ZNF385D: variants seen among roughly 807,000 people sequenced by gnomAD.
ZNF385D encodes the protein zinc finger protein 659.
A neutral mutation model predicts 35.8 loss-of-function variants in ZNF385D; 15 were observed. The ratio of observed to expected loss-of-function variants is 0.42; its 90% CI spans 0.28 to 0.64. The LOEUF is 0.64. Among genes scored for constraint, ZNF385D ranks in the 30% least tolerant of loss-of-function variants. The pLI, the probability that ZNF385D is intolerant of heterozygous loss-of-function variation, is 0.23. For missense variants in ZNF385D, 474 were observed against 494.6 expected (o/e 0.96, Z 0.39); for synonymous variants, 212 against 186.8 (o/e 1.13, Z -1.10).
At chr3:22,162,543 G>T (rs1706029730) in intron 3 of ZNF385D, among the ~76,000 whole-genome samples, 1 of 152,130 alleles carries the variant, frequency 6.6e-6, no homozygotes, top group Admixed American at 6.6e-5. Context: ...GAGTTTACTT[G>T]AGAGATTTTT....
chr3:22,108,620 G>T (rs1403813380), intron 3 of ZNF385D, among the ~76,000 whole-genome samples: 1 of 152,144 alleles, frequency 6.6e-6, no homozygotes, highest in Non-Finnish European at 1.5e-5. Context: ...CCTTAGAAAA[G>T]TTACTTAACC....
At chr3:21,507,161 A>C (rs1349955006) in intron 4 of ZNF385D, among the ~76,000 whole-genome samples, 2 of 152,114 alleles carry the variant, frequency 1.3e-5, no homozygotes, top group African/African-American at 4.8e-5. Context: ...TTTACAATGA[A>C]AATTTAGTTT....
intron 3 of ZNF385D, among the ~76,000 whole-genome samples, chr3:22,094,492 TC>T (rs1701511191): frequency 7.3e-6 from 1 of 137,712 alleles, no homozygotes; most frequent in South Asian, 2.5e-4. Context: ...TGAGGGTAAC[TC>T]CCATGAAATA....
intron 1 of ZNF385D, among the ~76,000 whole-genome samples, chr3:21,722,799 C>A (rs1166490019): frequency 2.6e-5 from 4 of 152,218 alleles, no homozygotes; most frequent in Admixed American, 1.3e-4. Context: ...TTGCAAGTGA[C>A]CCTGACTGCC....
intron 4 of ZNF385D, among the ~76,000 whole-genome samples, chr3:21,463,548 AG>A (rs1332113093): frequency 1.3e-5 from 2 of 152,128 alleles, no homozygotes; most frequent in African/African-American, 2.4e-5. Context: ...GTCAGGGTGG[AG>A]TGAGGAGCTG....
At chr3:21,731,139 A>G (rs1486506581) in intron 1 of ZNF385D, among the ~76,000 whole-genome samples, 1 of 152,280 alleles carries the variant, frequency 6.6e-6, no homozygotes, top group South Asian at 2.1e-4. Flanking sequence ...TATTCCCTTC[A>G]CATATTTGTA....
intron 1 of ZNF385D, among the ~76,000 whole-genome samples, chr3:21,736,912 T>G (rs1194641875): frequency 6.6e-6 from 1 of 152,202 alleles, no homozygotes; most frequent in Non-Finnish European, 1.5e-5. Flanking sequence ...GCGTAAGGAT[T>G]AAATATGCCT....
At chr3:21,750,778 A>G (rs2070036247) in intron 1 of ZNF385D, 117 bp downstream of exon 1, 9 of 1,315,208 alleles carry the variant, frequency 6.8e-6, no homozygotes, top group Non-Finnish European at 9.7e-6. Flanking sequence ...CCAGTTGCCA[A>G]CTGGAGGTAG....
At chr3:22,345,177 ATTGT>A (rs907826562) in intron 2 of ZNF385D, among the ~76,000 whole-genome samples, 2 of 152,186 alleles carry the variant, frequency 1.3e-5, no homozygotes, top group Non-Finnish European at 2.9e-5. Flanking sequence ...TTTTAATATT[ATTGT>A]TTTAGTTATG....
chr3:21,716,720 T>C (rs575986042), intron 1 of ZNF385D, among the ~76,000 whole-genome samples: 2 of 152,316 alleles, frequency 1.3e-5, no homozygotes, highest in African/African-American at 4.8e-5. Flanking sequence ...GAGAACACTT[T>C]ACTTATTTAT....
At chr3:21,840,696 T>C (rs1695610061) in intron 3 of ZNF385D, among the ~76,000 whole-genome samples, 1 of 152,074 alleles carries the variant, frequency 6.6e-6, no homozygotes, top group African/African-American at 2.4e-5. Context: ...GATGTTTCCA[T>C]CCAGTTCTAA....
At chr3:21,982,254 C>T (rs1348716693) in intron 3 of ZNF385D, among the ~76,000 whole-genome samples, 2 of 151,884 alleles carry the variant, frequency 1.3e-5, no homozygotes, top group Non-Finnish European at 1.5e-5. Context: ...TTTCTTTGAG[C>T]AATGTTTTGT....
At chr3:21,826,466 G>A (rs1005095647) in intron 3 of ZNF385D, among the ~76,000 whole-genome samples, 1 of 152,166 alleles carries the variant, frequency 6.6e-6, no homozygotes, top group African/African-American at 2.4e-5. Context: ...CAACACAGAG[G>A]GTGATAGAGT....
At chr3:22,028,388 C>T (rs1418203279) in intron 3 of ZNF385D, among the ~76,000 whole-genome samples, 2 of 152,188 alleles carry the variant, frequency 1.3e-5, no homozygotes, top group Non-Finnish European at 2.9e-5. Flanking sequence ...CGCATGGGCT[C>T]AGCAACATGT....
intron 2 of ZNF385D, among the ~76,000 whole-genome samples, chr3:22,329,362 C>T (rs1476907582): frequency 1.3e-5 from 2 of 152,070 alleles, no homozygotes; most frequent in Non-Finnish European, 2.9e-5. Flanking sequence ...TTTCTGTGAT[C>T]TCCAGAGGAA....
intron 3 of ZNF385D, among the ~76,000 whole-genome samples, chr3:22,008,196 A>C (rs1406508652): frequency 6.6e-6 from 1 of 152,106 alleles, no homozygotes; most frequent in Admixed American, 6.6e-5. Context: ...TCTAAGTGCT[A>C]CACTTTCAAA....
chr3:21,554,532 A>G (rs1224034322), intron 3 of ZNF385D, among the ~76,000 whole-genome samples: 1 of 152,136 alleles, frequency 6.6e-6, no homozygotes, highest in Non-Finnish European at 1.5e-5. Flanking sequence ...GAATTTAGAC[A>G]CTAACTTCAT....
intron 3 of ZNF385D, among the ~76,000 whole-genome samples, chr3:22,164,227 T>C (rs960993946): frequency 8.8e-6 from 1 of 113,770 alleles, no homozygotes; most frequent in Non-Finnish European, 1.8e-5. Context: ...TTTTTTTTTT[T>C]TTTTTTTTTT....
intron 3 of ZNF385D, among the ~76,000 whole-genome samples, chr3:21,552,318 G>A (rs986303760): frequency 1.3e-5 from 2 of 152,072 alleles, no homozygotes; most frequent in Admixed American, 6.6e-5. Flanking sequence ...TTGACATTTG[G>A]TGTCTAAATA....
Sources: allele counts gnomAD v4.1 joint callset (sites outside exome capture counted in the v4.1 genomes callset), GRCh38; gene constraint gnomAD v4.1.1; transcripts MANE v1.5; gene names NCBI Gene and HGNC (gene_info 2026-07-23, HGNC 2026-07-21).